Variants in CREBBP observed in about 807,000 individuals in gnomAD.
CREBBP encodes the protein CREB-binding protein.
In CREBBP, 19 loss-of-function variants were observed where a neutral mutation model predicts 265.0. That is an observed-to-expected ratio of 0.07 (90% CI 0.05 to 0.11). The LOEUF (loss-of-function observed/expected upper bound fraction) is 0.11. Among genes scored for constraint, CREBBP ranks in the 10% least tolerant of loss-of-function variants. CREBBP has a pLI of 1.00. For synonymous variants in CREBBP, 1,457 were observed against 1,223.7 expected (o/e 1.19, Z -3.98); for missense variants, 2,525 against 3,219.0 (o/e 0.78, Z 5.22).
chr16:3,826,863 T>C (rs77292571), intron 2 of CREBBP, among the ~76,000 whole-genome samples: 3,440 of 152,298 alleles, frequency 0.023, 74 homozygotes, highest in Middle Eastern at 0.041. Context: ...AGTATCAGTA[T>C]TGGTTCATTA....
intron 28 of CREBBP, among the ~76,000 whole-genome samples, chr16:3,733,735 G>A (rs1263557875): frequency 3.9e-5 from 6 of 152,102 alleles, no homozygotes; most frequent in Non-Finnish European, 5.9e-5. Context: ...TGTGCCTCCC[G>A]GGTTCAAGTG....
At chr16:3,740,378 G>A (rs752683257) in intron 24 of CREBBP, 21 bp downstream of exon 24, 2 of 1,613,852 alleles carry the variant, frequency 1.2e-6, no homozygotes, top group South Asian at 2.2e-5. Context: ...GCAGAGCACT[G>A]TAGAGAGCAG....
chr16:3,839,947 T>C (rs987434296), intron 2 of CREBBP, among the ~76,000 whole-genome samples: 1 of 152,200 alleles, frequency 6.6e-6, no homozygotes, highest in African/African-American at 2.4e-5. Context: ...TCATACATTC[T>C]ATAGGACACC....
At chr16:3,824,551 C>T (rs774377924) in intron 2 of CREBBP, among the ~76,000 whole-genome samples, 2 of 152,190 alleles carry the variant, frequency 1.3e-5, no homozygotes, top group Non-Finnish European at 2.9e-5. Flanking sequence ...CTCATAACAT[C>T]GACAGACAGG....
chr16:3,879,824 C>T lies in CREBBP; in HGVS notation c.85+8G>A, dbSNP rs2141615812. On this transcript the variant is annotated splice_region_variant and intron_variant, in intron 1 of 30. Coordinates refer to ENST00000262367, the MANE Select transcript of CREBBP (RefSeq NM_004380.3). ...CCGGGCCCCCGCCGCCCCGGACCCC[C>T]TCCTCACCTGTGCTGTCATTCGCCG... 1 of 1,599,900 alleles carries T rather than the reference C, an allele frequency of 6.3e-7. No homozygotes were observed. The highest frequency in any genetic ancestry group is 1.1e-5 in the South Asian group (1 of 88,792).
At chr16:3,793,295 G>A (rs922178489) in intron 4 of CREBBP, 91 bp downstream of exon 4, 72 of 1,569,022 alleles carry the variant, frequency 4.6e-5, no homozygotes, top group Non-Finnish European at 5.7e-5. Context: ...TCAGGCTGCC[G>A]GAGCCTTATG....
Position 3,740,488 on chromosome 16 carries a change from G to C in CREBBP, c.4044C>G (p.Arg1348=). The change falls in exon 24 of 31, where the codon CGC becomes CGG. Residue 1348 remains arginine, a synonymous_variant. Transcript: ENST00000262367. ...CCTCCCCGGCTTCAGGGTGATTCTG[G>C]CGCCGCAAAAATTTGTTCACTCGGT... The part of the protein sequence containing the change: ...LEDRVNKFLR[R]QNHPEAGEVF... 1 of 1,614,150 alleles carries C rather than the reference G, an allele frequency of 6.2e-7. No homozygotes were observed. Among genetic ancestry groups the C allele is most frequent in the Non-Finnish European group, 8.5e-7 (1 of 1,180,016 alleles).
At chr16:3,767,964 C>T (rs1596879218) in intron 15 of CREBBP, 55 bp from the exon 16 acceptor site, 7 of 1,542,498 alleles carry the variant, frequency 4.5e-6, no homozygotes, top group South Asian at 1.1e-5. Context: ...TATGTTACCG[C>T]AACCTCACGG....
rs117628533 is a variant in CREBBP, at chr16:3,812,595, G to A, written c.799-1816C>T. Among the ~76,000 whole-genome samples, 54 of 151,798 alleles carry A rather than the reference G, an allele frequency of 3.6e-4. 1 individual carries two copies. In the East Asian group the frequency reaches 9.7e-3, roughly 27 times the overall value. ...CTCAGCTATGCTTCCGTGAGGGCCT[G>A]CAACCAACTGGAATTCCTTCCATCA... On this transcript the variant is annotated intron_variant, in intron 2 of 30. Coordinates refer to ENST00000262367, the MANE Select transcript of CREBBP (RefSeq NM_004380.3).
Position 3,827,516 on chromosome 16 carries a change from C to T in CREBBP, c.799-16737G>A, listed in dbSNP as rs546431435. 3.0e-4 allele frequency among the ~76,000 whole-genome samples: 45 copies of T among 152,112 alleles called. 1 individual carries two copies. In the South Asian group the frequency reaches 8.3e-3, roughly 28 times the overall value. ...ACGAGATTCTTCTGCCTCAGACTCC[C>T]GAGTAGCTGGGACTACAGGCGCCCG... On this transcript the variant is annotated intron_variant, in intron 2 of 30. Transcript: ENST00000262367.
In CREBBP at chr16:3,782,799, A is replaced by G. The variant is rs2053303496; in HGVS notation, c.1458T>C (p.Ala486=). 1 of 1,614,070 alleles carries G rather than the reference A, an allele frequency of 6.2e-7. No homozygotes were observed. Among genetic ancestry groups the G allele is most frequent in the Admixed American group, 1.7e-5 (1 of 59,992 alleles). ...IDPSSMQRAY[A]ALGLPYMNQP... is the part of the protein sequence containing the mutation. ...GGTTCATGTAGGGGAGTCCGAGAGC[A>G]GCATAGGCTCGCTGCATGGAGCTGG... The change falls in exon 6 of 31, where the codon GCT becomes GCC. Residue 486 remains alanine (A), a synonymous_variant. Transcript: ENST00000262367.
At position 3,767,758 on chromosome 16, in the gene CREBBP, G is replaced by A. The variant is rs2141181690; in HGVS notation, c.3212C>T (p.Ala1071Val). The A allele has an allele frequency of 6.2e-7, 1 of 1,614,232 alleles. No homozygotes were observed. Among genetic ancestry groups the A allele is most frequent in the Non-Finnish European group, 8.5e-7 (1 of 1,180,046 alleles). ...EEEESSSNGT[A>V]SQSTSPSQPR... is the part of the protein sequence containing the mutation. ...CTGCGAAGGAGATGTTGACTGAGAGGCTGTGCCGTTACTGCTACTCTCTTC... is the reference window on the plus strand; with the variant it reads ...CTGCGAAGGAGATGTTGACTGAGAGACTGTGCCGTTACTGCTACTCTCTTC... The change falls in exon 16 of 31, where the codon GCC (alanine) becomes GTC (valine). Residue 1071 changes from alanine to valine, a missense_variant. Ala to Val is a moderately conservative substitution (Grantham distance 64). This residue lies in a region of CREBBP where 548 missense variants were observed against 533.0 expected (regional missense o/e 1.03). Coordinates refer to ENST00000262367, the MANE Select transcript of CREBBP (RefSeq NM_004380.3).
intron 9 of CREBBP, 128 bp downstream of exon 9, chr16:3,778,572 G>A: frequency 1.2e-6 from 1 of 831,512 alleles, no homozygotes; most frequent in Non-Finnish European, 2.1e-6. Flanking sequence ...TCCTTGGTCA[G>A]TGGCCTCAAG....
At chr16:3,774,536 G>A (rs2141219324) in intron 12 of CREBBP, 33 bp downstream of exon 12, 2 of 1,613,422 alleles carry the variant, frequency 1.2e-6, no homozygotes, top group Non-Finnish European at 1.7e-6. Flanking sequence ...GAGAGGGAGG[G>A]CTATCTGCAG....
intron 3 of CREBBP, among the ~76,000 whole-genome samples, chr16:3,810,164 G>A (rs1341280378): frequency 6.6e-6 from 1 of 152,140 alleles, no homozygotes; most frequent in Non-Finnish European, 1.5e-5. Context: ...CATCTATTGT[G>A]TTGGACGTAA....
rs572112719 is a variant in CREBBP, at chr16:3,876,124, G to A, written c.85+3708C>T. Among the ~76,000 whole-genome samples, 9 of 151,904 alleles carry A rather than the reference G, an allele frequency of 5.9e-5. No homozygotes were observed. In the East Asian group the frequency reaches 1.2e-3, roughly 20 times the overall value. Reference sequence around the variant, plus strand: ...CATGATCACAGCTCACTGCAGCCTCGACCTCCTGGGCTCAAGCGATCCTCC... The same window carrying A: ...CATGATCACAGCTCACTGCAGCCTCAACCTCCTGGGCTCAAGCGATCCTCC... On this transcript the variant is annotated intron_variant, in intron 1 of 30. Coordinates refer to ENST00000262367, the MANE Select transcript of CREBBP (RefSeq NM_004380.3).
rs879317839 is a variant in CREBBP, at chr16:3,817,167, G to C, written c.799-6388C>G. Among the ~76,000 whole-genome samples, 48 of 152,302 alleles carry C rather than the reference G, an allele frequency of 3.2e-4. 1 individual carries two copies. The Middle Eastern group carries it at 0.014, about 43-fold the overall frequency. The stretch of plus-strand genomic sequence containing the variant: ...TGATCACAGCAGATACACAAGTCCA[G>C]TCTGGCTATAAAATGGGTCCTCTGT... On this transcript the variant is annotated intron_variant, in intron 2 of 30. Transcript: ENST00000262367.
At chr16:3,822,327 G>A (rs1049175053) in intron 2 of CREBBP, among the ~76,000 whole-genome samples, 1 of 152,152 alleles carries the variant, frequency 6.6e-6, no homozygotes, top group Non-Finnish European at 1.5e-5. Flanking sequence ...GTAACGCAAC[G>A]GTTCAGAGAA....
chr16:3,788,190 C>G (rs2053429962), intron 5 of CREBBP, among the ~76,000 whole-genome samples: 1 of 152,214 alleles, frequency 6.6e-6, no homozygotes, highest in Non-Finnish European at 1.5e-5. Context: ...AACCCCTGGT[C>G]TCTCTCTCAG....
Sources: allele counts gnomAD v4.1 joint callset (sites outside exome capture counted in the v4.1 genomes callset), GRCh38; gene constraint gnomAD v4.1.1; regional missense constraint gnomAD v4.1.1; transcripts MANE v1.5; gene names NCBI Gene and HGNC (gene_info 2026-07-23, HGNC 2026-07-21).